The following SSBP4 variants were observed in gnomAD, a reference collection of about 807,000 sequenced individuals.
The protein encoded by SSBP4 is single-stranded DNA-binding protein 4.
A neutral mutation model predicts 64.6 loss-of-function variants in SSBP4; 33 were observed. That is an observed-to-expected ratio of 0.51 (90% CI 0.39 to 0.68). SSBP4 has a LOEUF of 0.68. Among genes scored for constraint, SSBP4 ranks in the 30% least tolerant of loss-of-function variants. SSBP4 has a pLI of 0.00. For missense variants in SSBP4, 583 were observed against 566.8 expected, an observed-to-expected ratio of 1.03 and a Z score of -0.29; for synonymous variants, 243 against 224.0, an observed-to-expected ratio of 1.08 and a Z score of -0.76.
rs1269800362 is a variant in SSBP4, at chr19:18,427,673, G to C, written c.133-79G>C. 6.7e-7 allele frequency: 1 copy of C among 1,489,560 alleles called. No individual in the cohort carries two copies. The highest frequency in any genetic ancestry group is 1.3e-5 in the South Asian group (1 of 76,530). 92.3% of individuals were successfully genotyped at this position (1,489,560 alleles called of 1,614,324 possible). On this transcript the variant is annotated intron_variant, in intron 2 of 17. Coordinates refer to ENST00000270061, the MANE Select transcript of SSBP4 (RefSeq NM_032627.5). This position sits in a 1 kb window ranked among gnomAD's most constrained non-coding sequence, Gnocchi z 4.4. ...TCCCTCCCCACTCCCTCCCTGCCCA[G>C]ATGTTCTCTGGGCACCCTGCTGGGT... is the stretch of plus-strand genomic sequence containing the variant.
At chr19:18,415,725 C>A (rs896935507), upstream of SSBP4, among the ~76,000 whole-genome samples, 1 of 152,130 alleles carries the variant, frequency 6.6e-6, no homozygotes, top group Non-Finnish European at 1.5e-5. Flanking sequence ...CGGCAGGAAC[C>A]GCTAGCGCAA....
At chr19:18,403,223 C>T in the SSBP4 span, among the ~76,000 whole-genome samples, 6 of 152,178 alleles carry the variant, frequency 3.9e-5, no homozygotes, top group Admixed American at 6.5e-5. Flanking sequence ...TGACCTCCTC[C>T]CCACTATCAC....
the SSBP4 span, among the ~76,000 whole-genome samples, chr19:18,412,384 C>T: frequency 2.0e-5 from 3 of 146,434 alleles, no homozygotes; most frequent in Non-Finnish European, 4.5e-5. Context: ...TGCTTGAACT[C>T]AGGAGGTGGA....
chr19:18,433,369 G>GA, intron 15 of SSBP4, 156 bp downstream of exon 15: 2 of 1,269,354 alleles, frequency 1.6e-6, no homozygotes, highest in South Asian at 2.7e-5. Flanking sequence ...GCCCCGAGCT[G>GA]GAGGGGGATC....
chr19:18,431,027 C>T (rs1426504975), intron 5 of SSBP4, 97 bp downstream of exon 5: 2 of 1,410,218 alleles, frequency 1.4e-6, no homozygotes, highest in African/African-American at 2.8e-5. Context: ...ATGAGGCCGG[C>T]AGGCTGGAGT....
chr19:18,433,360 C>T, intron 15 of SSBP4, 147 bp downstream of exon 15: 1 of 1,282,788 alleles, frequency 7.8e-7, no homozygotes, highest in Non-Finnish European at 1.1e-6. Context: ...ACAGGGGCTG[C>T]CCCGAGCTGG....
In SSBP4 at chr19:18,431,699, C is replaced by A; in HGVS notation, c.488C>A (p.Pro163Gln). 1 of 1,551,180 alleles carries A rather than the reference C, an allele frequency of 6.4e-7. No homozygotes were observed. The change falls in exon 7 of 18, where the codon CCG (proline) becomes CAG (glutamine). Residue 163 changes from proline (P) to glutamine (Q), a missense_variant. Pro to Gln is a moderately conservative substitution (Grantham distance 76). This residue lies in a region of SSBP4 where 444 missense variants were observed against 386.6 expected (regional missense o/e 1.15). Coordinates refer to ENST00000270061, the MANE Select transcript of SSBP4 (RefSeq NM_032627.5). ...GGCCCCCGGCCCACCCTGCGGATGC[C>A]GAGTCAGGTGAGAAAGGGATGAGGG... ...PGGPRPTLRM[P>Q]SQPPAGLPGS...
At chr19:18,424,845 G>A (rs2144714421) in intron 1 of SSBP4, among the ~76,000 whole-genome samples, 1 of 151,016 alleles carries the variant, frequency 6.6e-6, no homozygotes, top group South Asian at 2.1e-4. Flanking sequence ...TAAAGGCCAA[G>A]CTGACAGTCT....
upstream of SSBP4, among the ~76,000 whole-genome samples, chr19:18,415,339 G>A (rs1289659156): frequency 1.3e-5 from 2 of 152,090 alleles, no homozygotes; most frequent in Non-Finnish European, 2.9e-5. Flanking sequence ...GGCCGTTTCC[G>A]CCACCTATGG....
At chr19:18,432,242 T>C in intron 10 of SSBP4, 28 bp downstream of exon 10, 1 of 1,609,012 alleles carries the variant, frequency 6.2e-7, no homozygotes, top group Non-Finnish European at 8.5e-7. Context: ...CCTAGGAGTG[T>C]GCAGTTCGCA....
intron 4 of SSBP4, among the ~76,000 whole-genome samples, chr19:18,428,951 G>C (rs1568350451): frequency 6.6e-6 from 1 of 152,226 alleles, no homozygotes; most frequent in Non-Finnish European, 1.5e-5. Context: ...CCTGCCGTCT[G>C]GGTCTAGCAT....
In SSBP4 at chr19:18,419,648, C is replaced by T; in HGVS notation, c.-1C>T. 7.9e-7 allele frequency: 1 copy of T among 1,258,144 alleles called. No individual in the cohort carries two copies. The highest frequency in any genetic ancestry group is 1.0e-6 in the Non-Finnish European group (1 of 996,866). The allele number at this position is 1,258,144 out of a possible 1,614,324, so 77.9% of individuals were successfully genotyped here. A position where few individuals can be genotyped will look rare whatever the true frequency, so the allele number is the denominator to read the frequency against. ...CCCCGGCGGCGGCGGCGTGGAGCAGCATGTACGCCAAGGGGGGCAAGGGTT... is the reference window on the plus strand; with the variant it reads ...CCCCGGCGGCGGCGGCGTGGAGCAGTATGTACGCCAAGGGGGGCAAGGGTT... On this transcript the variant is annotated 5_prime_UTR_variant, in exon 1 of 18. Coordinates refer to ENST00000270061, the MANE Select transcript of SSBP4 (RefSeq NM_032627.5).
chr19:18,419,621 G>A lies in SSBP4; in HGVS notation c.-28G>A. On this transcript the variant is annotated 5_prime_UTR_variant, in exon 1 of 18. Transcript: ENST00000270061. Reference sequence around the variant, plus strand: ...CCCGCGGCGCCGCCTGACAGGTGTGGGCCCCGGCGGCGGCGGCGTGGAGCA... The same window carrying A: ...CCCGCGGCGCCGCCTGACAGGTGTGAGCCCCGGCGGCGGCGGCGTGGAGCA... 7.9e-7 allele frequency: 1 copy of A among 1,264,044 alleles called. No individual in the cohort carries two copies. 78.3% of individuals were successfully genotyped at this position (1,264,044 alleles called of 1,614,324 possible).
Position 18,433,624 on chromosome 19 carries a change from T to C in SSBP4, c.1020+11T>C. 7.9e-7 allele frequency: 1 copy of C among 1,258,720 alleles called. No individual in the cohort carries two copies. The highest frequency in any genetic ancestry group is 1.0e-6 in the Non-Finnish European group (1 of 982,994). 78.0% of individuals were successfully genotyped at this position (1,258,720 alleles called of 1,614,324 possible). On this transcript the variant is annotated intron_variant, in intron 16 of 17. Transcript: ENST00000270061. The stretch of plus-strand genomic sequence containing the variant: ...GACGGGTTGCCGAAGGTAAGGAGGC[T>C]GCGCTCTTGCCGGGGGTGGGATCCG...
intron 15 of SSBP4, 73 bp from the exon 16 acceptor site, chr19:18,433,512 G>T (rs1233660143): frequency 2.0e-6 from 3 of 1,535,600 alleles, no homozygotes; most frequent in South Asian, 2.4e-5. Context: ...TGCGAGGGTC[G>T]TTGGCCCCTG....
At chr19:18,417,756 C>G (rs997364034), upstream of SSBP4, among the ~76,000 whole-genome samples, 1 of 152,172 alleles carries the variant, frequency 6.6e-6, no homozygotes, top group Non-Finnish European at 1.5e-5. This position sits in a 1 kb window ranked among gnomAD's most constrained non-coding sequence, Gnocchi z 5.4. Flanking sequence ...GGCGTCCCCC[C>G]TCCCGCGCCG....
the SSBP4 span, among the ~76,000 whole-genome samples, chr19:18,408,970 A>G: frequency 6.6e-6 from 1 of 151,836 alleles, no homozygotes; most frequent in Non-Finnish European, 1.5e-5. Flanking sequence ...GGGCCACCAC[A>G]CTTGGCTAAT....
At chr19:18,408,622 A>G in the SSBP4 span, among the ~76,000 whole-genome samples, 1 of 151,442 alleles carries the variant, frequency 6.6e-6, no homozygotes, top group Non-Finnish European at 1.5e-5. Flanking sequence ...CCTCCTGAGT[A>G]GTTGGGATTA....
At chr19:18,418,274 C>T (rs1972208817), upstream of SSBP4, among the ~76,000 whole-genome samples, 1 of 152,194 alleles carries the variant, frequency 6.6e-6, no homozygotes, top group African/African-American at 2.4e-5. The surrounding 1 kb of genome is among the most constrained non-coding windows in gnomAD (Gnocchi z 6.7). Flanking sequence ...GAGGAATAGC[C>T]GTGGCAAACA....
Sources: gnomAD v4.1 joint callset for allele counts (sites outside exome capture counted in the v4.1 genomes callset) on GRCh38, gnomAD v4.1.1 for gene constraint, gnomAD v4.1.1 regional missense constraint, Gnocchi (gnomAD v3.1) non-coding constraint, MANE v1.5 for transcripts, NCBI Gene and HGNC (gene_info 2026-07-23, HGNC 2026-07-21) for gene names.